The following HSD17B6 variants were observed in gnomAD, a reference collection of about 807,000 sequenced individuals.
HSD17B6 encodes the protein hydroxysteroid 17-beta dehydrogenase 6.
HSD17B6 carries 16 observed loss-of-function variants against 26.4 expected under a neutral mutation model. That is an observed-to-expected ratio of 0.61 (90% CI 0.41 to 0.92). The LOEUF (loss-of-function observed/expected upper bound fraction) is 0.92, where lower values mean the gene tolerates loss of function less well. Ranked by LOEUF, HSD17B6 falls within the 40% of genes least tolerant of loss-of-function variation. The probability of loss-of-function intolerance (pLI) is 0.00; values close to 1 mark genes in which losing one functional copy is unlikely to be tolerated. For missense variants in HSD17B6, 357 were observed against 386.1 expected, an observed-to-expected ratio of 0.92 and a Z score of 0.63; for synonymous variants, 139 against 153.0, an observed-to-expected ratio of 0.91 and a Z score of 0.68.
intron 1 of HSD17B6, chr12:56,770,453 C>T (rs1954445158): frequency 6.6e-6 from 1 of 152,336 alleles, no homozygotes; most frequent in South Asian, 2.1e-4. Flanking sequence ...TCCTATTACC[C>T]AGCAGACCTC....
intron 2 of HSD17B6, among the ~76,000 whole-genome samples, chr12:56,780,726 G>A (rs1463020220): frequency 6.6e-6 from 1 of 151,394 alleles, no homozygotes; most frequent in African/African-American, 2.4e-5. Flanking sequence ...CCGGGCGTCT[G>A]TAGTCCCAGC....
intron 1 of HSD17B6, among the ~76,000 whole-genome samples, chr12:56,773,405 T>C (rs1320721064): frequency 6.6e-6 from 1 of 152,230 alleles, no homozygotes; most frequent in African/African-American, 2.4e-5. Flanking sequence ...TCTCTTCTTA[T>C]GTATGTTCTG....
intron 1 of HSD17B6, among the ~76,000 whole-genome samples, chr12:56,768,825 T>C (rs893425264): frequency 1.3e-5 from 2 of 151,870 alleles, no homozygotes; most frequent in Non-Finnish European, 2.9e-5. Flanking sequence ...TAAAAGTTTG[T>C]TTTCTGGTCT....
chr12:56,778,490 G>A (rs375259513), intron 2 of HSD17B6, among the ~76,000 whole-genome samples: 95 of 152,090 alleles, frequency 6.2e-4, no homozygotes, highest in African/African-American at 2.3e-3. Flanking sequence ...GTTTCACCAT[G>A]TTGGCCAGGC....
intron 1 of HSD17B6, among the ~76,000 whole-genome samples, chr12:56,769,051 G>A (rs1282821582): frequency 1.3e-5 from 2 of 150,248 alleles, no homozygotes; most frequent in Non-Finnish European, 3.0e-5. Context: ...GAGGGGAAGA[G>A]CCCCAAAGAT....
intron 1 of HSD17B6, among the ~76,000 whole-genome samples, chr12:56,770,708 A>C (rs1162927120): frequency 6.6e-6 from 1 of 152,160 alleles, no homozygotes; most frequent in Non-Finnish European, 1.5e-5. Flanking sequence ...AAAATGGGGA[A>C]GAGCAGTGCA....
chr12:56,764,364 G>A (rs1261039286), intron 1 of HSD17B6, among the ~76,000 whole-genome samples: 1 of 152,166 alleles, frequency 6.6e-6, no homozygotes, highest in African/African-American at 2.4e-5. Context: ...CAGAGAGAGA[G>A]GTCCTCGCTT....
At chr12:56,783,310 G>A (rs1191876060) in intron 3 of HSD17B6, among the ~76,000 whole-genome samples, 12 of 142,454 alleles carry the variant, frequency 8.4e-5, no homozygotes, top group Admixed American at 5.5e-4. Flanking sequence ...CTGGCCAGGC[G>A]GGGGGCTGAG....
At chr12:56,763,699 C>T (rs138836544) in intron 1 of HSD17B6, among the ~76,000 whole-genome samples, 8 of 151,814 alleles carry the variant, frequency 5.3e-5, no homozygotes, top group South Asian at 2.1e-4. Flanking sequence ...CCTCTGAAAA[C>T]GGGATTCTCG....
At chr12:56,783,931 C>G (rs951001665) in intron 3 of HSD17B6, among the ~76,000 whole-genome samples, 9 of 150,570 alleles carry the variant, frequency 6.0e-5, no homozygotes, top group Non-Finnish European at 1.3e-4. Flanking sequence ...GGGGCGGTTG[C>G]CAGGCGGAGG....
Position 56,784,849 on chromosome 12 carries a change from T to C in HSD17B6, c.573-4T>C. The C allele has an allele frequency of 6.2e-7, 1 of 1,612,046 alleles. No individual in the cohort carries two copies. The highest frequency in any genetic ancestry group is 1.3e-5 in the African/African-American group (1 of 74,936). Reference sequence around the variant, plus strand: ...TAATCATAACTTGTGGGGTTTTATTTCAGGCGTGAGATTCAACATTTTGGG... The same window carrying C: ...TAATCATAACTTGTGGGGTTTTATTCCAGGCGTGAGATTCAACATTTTGGG... On this transcript the variant is annotated splice_polypyrimidine_tract_variant and splice_region_variant and intron_variant, in intron 3 of 4. Transcript: ENST00000322165.
intron 2 of HSD17B6, among the ~76,000 whole-genome samples, 173 bp from the exon 3 acceptor site, chr12:56,781,801 C>CA (rs894134365): frequency 1.3e-4 from 19 of 150,948 alleles, no homozygotes; most frequent in African/African-American, 3.9e-4. Context: ...GACTTTGTCT[C>CA]AAAAAAAAAG....
chr12:56,783,403 C>T (rs1246267632), intron 3 of HSD17B6, among the ~76,000 whole-genome samples: 12 of 140,196 alleles, frequency 8.6e-5, no homozygotes, highest in East Asian at 2.2e-4. Flanking sequence ...GGCGGCTGGC[C>T]GGGCAGAGGG....
Position 56,784,353 on chromosome 12 carries a change from C to T in HSD17B6, c.573-500C>T, listed in dbSNP as rs553783717. On this transcript the variant is annotated intron_variant, in intron 3 of 4. Coordinates refer to ENST00000322165, the MANE Select transcript of HSD17B6 (RefSeq NM_003725.4). ...CTGGGAGGTGGAGGTTGTAGCGAGC[C>T]GAGATCACGCCACTGCACTCCAGCC... Among the ~76,000 whole-genome samples the T allele has an allele frequency of 1.7e-4, 26 of 152,240 alleles. 1 individual carries two copies. Among genetic ancestry groups the T allele is most frequent in the Middle Eastern group, 3.4e-3 (1 of 294 alleles).
At chr12:56,785,418 G>A (rs143837765) in intron 4 of HSD17B6, among the ~76,000 whole-genome samples, 21 of 152,356 alleles carry the variant, frequency 1.4e-4, no homozygotes, top group Admixed American at 3.9e-4. Context: ...ACCCTTGCAT[G>A]AGAAGGGGAA....
In HSD17B6 at chr12:56,780,938, C is replaced by T. The variant is rs1004557205; in HGVS notation, c.314-1036C>T. On this transcript the variant is annotated intron_variant, in intron 2 of 4. Coordinates refer to ENST00000322165, the MANE Select transcript of HSD17B6 (RefSeq NM_003725.4). ...TGCAGTCAGTAAAAACCAGACACAA[C>T]AATAAAATAGACATGTCAGGTTATA... Among the ~76,000 whole-genome samples the T allele has an allele frequency of 6.0e-5, 9 of 150,144 alleles. No individual in the cohort carries two copies. In the East Asian group the frequency reaches 7.8e-4, roughly 13 times the overall value.
rs1954906659 is a variant in HSD17B6, at chr12:56,787,648, C to G, written c.*306C>G. ...AATTTAACCTATTTTGAAGTCATTTCTTTATGAATATGAATAATTGTTCTA... is the reference window on the plus strand; with the variant it reads ...AATTTAACCTATTTTGAAGTCATTTGTTTATGAATATGAATAATTGTTCTA... On this transcript the variant is annotated 3_prime_UTR_variant, in exon 5 of 5. Coordinates refer to ENST00000322165, the MANE Select transcript of HSD17B6 (RefSeq NM_003725.4). 1.0e-5 allele frequency: 3 copies of G among 295,734 alleles called. No homozygotes were observed. Among genetic ancestry groups the G allele is most frequent in the African/African-American group, 6.6e-5 (3 of 45,508 alleles). 18.3% of individuals were successfully genotyped at this position (295,734 alleles called of 1,614,324 possible). A position where few individuals can be genotyped will look rare whatever the true frequency, so the allele number is the denominator to read the frequency against.
intron 4 of HSD17B6, among the ~76,000 whole-genome samples, chr12:56,786,768 G>A (rs1025415179): frequency 2.0e-5 from 3 of 152,096 alleles, no homozygotes; most frequent in African/African-American, 7.2e-5. Context: ...GGAGGATCAC[G>A]AGCCTGGGAG....
At chr12:56,783,573 C>T (rs1209885643) in intron 3 of HSD17B6, among the ~76,000 whole-genome samples, 11 of 131,998 alleles carry the variant, frequency 8.3e-5, no homozygotes, top group Admixed American at 1.5e-4. Context: ...CCGGACAGGA[C>T]GGCTGGCCGG....
Sources: gnomAD v4.1 joint callset for allele counts (sites outside exome capture counted in the v4.1 genomes callset) on GRCh38, gnomAD v4.1.1 for gene constraint, MANE v1.5 for transcripts, NCBI Gene and HGNC (gene_info 2026-07-23, HGNC 2026-07-21) for gene names.